CD96: variants seen among roughly 807,000 people sequenced by gnomAD.
The protein encoded by CD96 is T-cell surface protein tactile.
In CD96, 70 loss-of-function variants were observed where a neutral mutation model predicts 71.3. That is an observed-to-expected ratio of 0.98 (90% CI 0.81 to 1.20). The LOEUF (loss-of-function observed/expected upper bound fraction) is 1.20, where lower values mean the gene tolerates loss of function less well. Among genes scored for constraint, CD96 ranks in the 50% most tolerant of loss-of-function variants. The probability of loss-of-function intolerance (pLI) is 0.00; values close to 1 mark genes in which losing one functional copy is unlikely to be tolerated. For missense variants in CD96, 742 were observed against 677.5 expected (o/e 1.10, Z -1.06); for synonymous variants, 248 against 233.0 (o/e 1.06, Z -0.59).
chr3:111,609,576 A>G (rs1937800763), intron 8 of CD96, among the ~76,000 whole-genome samples: 1 of 152,238 alleles, frequency 6.6e-6, no homozygotes, highest in African/African-American at 2.4e-5. Context: ...TACAAACACA[A>G]TTCTTCTGTG....
rs771604378 is a variant in CD96 at position 111,545,323 on chromosome 3, T to G, written c.339T>G (p.Ser113Arg). Residue 113 changes from serine (S) to arginine (R), a missense_variant, in exon 2 of 14, where the codon AGT becomes AGG. Physicochemically the swap from Ser to Arg is moderately radical, Grantham distance 110. Transcript: ENST00000352690. Reference sequence around the variant, plus strand: ...TAAGGAATATGTCTTGTTCAGTCAGTGGAAGGTACGAGTGTATGCTTGTTC... The same window carrying G: ...TAAGGAATATGTCTTGTTCAGTCAGGGGAAGGTACGAGTGTATGCTTGTTC... ...LHLRNMSCSV[S>R]GRYECMLVLY... 6.2e-7 allele frequency: 1 copy of G among 1,614,076 alleles called. No homozygotes were observed. The highest frequency in any genetic ancestry group is 1.7e-5 in the Admixed American group (1 of 60,020).
At chr3:111,608,059 G>T (rs1420390899) in intron 8 of CD96, among the ~76,000 whole-genome samples, 1 of 152,180 alleles carries the variant, frequency 6.6e-6, no homozygotes, top group African/African-American at 2.4e-5. Context: ...GAGCAGCCTA[G>T]CTGGAAGGTG....
At chr3:111,596,044 C>T (rs1336842938) in intron 5 of CD96, among the ~76,000 whole-genome samples, 1 of 151,994 alleles carries the variant, frequency 6.6e-6, no homozygotes, top group Non-Finnish European at 1.5e-5. Context: ...CGCCTGTAAT[C>T]CCAGCTACTT....
At chr3:111,619,670 C>T (rs1938421130) in intron 8 of CD96, among the ~76,000 whole-genome samples, 1 of 152,208 alleles carries the variant, frequency 6.6e-6, no homozygotes, top group Non-Finnish European at 1.5e-5. Context: ...CAAGCTTTCT[C>T]ACATCTGGAA....
At chr3:111,582,015 C>T (rs1936489049) in intron 4 of CD96, among the ~76,000 whole-genome samples, 2 of 152,188 alleles carry the variant, frequency 1.3e-5, no homozygotes, top group African/African-American at 4.8e-5. Flanking sequence ...CAGCATAGAA[C>T]ACACATCAGA....
chr3:111,583,679 A>G (rs918157823), intron 4 of CD96, among the ~76,000 whole-genome samples: 3 of 152,194 alleles, frequency 2.0e-5, no homozygotes, highest in Non-Finnish European at 4.4e-5. Flanking sequence ...AGGCTTGGGG[A>G]TTCCACACTT....
In CD96 at chr3:111,651,030, G is replaced by A. The variant is rs910521474; in HGVS notation, c.*1224G>A. ...TGCACATGAGAATGCCTTGTGCAGAGTTATTTGGAGATTATGTCTTTTTCT... is the reference window on the plus strand; with the variant it reads ...TGCACATGAGAATGCCTTGTGCAGAATTATTTGGAGATTATGTCTTTTTCT... On this transcript the variant is annotated 3_prime_UTR_variant, in exon 14 of 14. Coordinates refer to ENST00000352690, the MANE Select transcript of CD96 (RefSeq NM_005816.5). 1 of 152,228 alleles carries A rather than the reference G, an allele frequency of 6.6e-6. No individual in the cohort carries two copies. The highest frequency in any genetic ancestry group is 2.4e-5 in the African/African-American group (1 of 41,460). 9.4% of individuals were successfully genotyped at this position (152,228 alleles called of 1,614,324 possible).
downstream of CD96, among the ~76,000 whole-genome samples, chr3:111,654,009 G>T (rs564479574): frequency 3.3e-5 from 5 of 152,148 alleles, no homozygotes; most frequent in African/African-American, 1.2e-4. Flanking sequence ...CAGAGATAAT[G>T]AAAAATGTCT....
chr3:111,562,193 T>C (rs1935480132), intron 2 of CD96, among the ~76,000 whole-genome samples: 2 of 152,202 alleles, frequency 1.3e-5, no homozygotes, highest in African/African-American at 2.4e-5. Flanking sequence ...TTGGGAGCTG[T>C]AGACCGGAGC....
At chr3:111,594,379 G>A (rs1937156231) in intron 5 of CD96, 2 of 675,288 alleles carry the variant, frequency 3.0e-6, no homozygotes, top group South Asian at 2.6e-5. Context: ...CTGCTTCACT[G>A]GAGAGTCAGG....
intron 14 of CD96, among the ~76,000 whole-genome samples, chr3:111,662,124 G>T (rs1310792824): frequency 2.6e-5 from 4 of 152,222 alleles, no homozygotes; most frequent in African/African-American, 9.6e-5. Context: ...GCTTGGGCTT[G>T]CACCCTCTGA....
Position 111,579,987 on chromosome 3 carries a change from T to G in CD96, c.751+753T>G, listed in dbSNP as rs567730354. On this transcript the variant is annotated intron_variant, in intron 4 of 13. Coordinates refer to ENST00000352690, the MANE Select transcript of CD96 (RefSeq NM_005816.5). ...CTCTTTAATTGTAACTGCCAAAATCTAATTGTTTAGTTGTCTAATTGTCTT... is the reference window on the plus strand; with the variant it reads ...CTCTTTAATTGTAACTGCCAAAATCGAATTGTTTAGTTGTCTAATTGTCTT... 2.0e-5 allele frequency among the ~76,000 whole-genome samples: 3 copies of G among 152,368 alleles called. No individual in the cohort carries two copies. The South Asian group carries it at 6.2e-4, about 32-fold the overall frequency.
In CD96 at chr3:111,587,658, G is replaced by A. The variant is rs77467694; in HGVS notation, c.807+2280G>A. ...AGGTGGGGTTCTCCATGAGGGCCCC[G>A]CCTGCAGCAAACTTTTGCCTGGGCA... On this transcript the variant is annotated intron_variant, in intron 5 of 13. Coordinates refer to ENST00000352690, the MANE Select transcript of CD96 (RefSeq NM_005816.5). 4.8e-3 allele frequency among the ~76,000 whole-genome samples: 727 copies of A among 152,298 alleles called. 19 individuals are homozygous for A. Among genetic ancestry groups the A allele is most frequent in the Admixed American group, 0.034 (516 of 15,292 alleles).
At chr3:111,545,472 A>G in intron 2 of CD96, 70 bp downstream of exon 2, 1 of 1,070,320 alleles carries the variant, frequency 9.3e-7, no homozygotes, top group Non-Finnish European at 1.4e-6. Context: ...ACATTTTAAG[A>G]AAAGCAAGGT....
chr3:111,601,215 CCAT>C (rs1937483952), intron 7 of CD96, among the ~76,000 whole-genome samples: 1 of 152,066 alleles, frequency 6.6e-6, no homozygotes, highest in Admixed American at 6.6e-5. Context: ...TTTTGTTAAT[CCAT>C]CACATATTGA....
chr3:111,588,223 T>C (rs1369744441), intron 5 of CD96, among the ~76,000 whole-genome samples: 2 of 152,222 alleles, frequency 1.3e-5, no homozygotes, highest in African/African-American at 2.4e-5. Flanking sequence ...AGAAATTTTT[T>C]CTGCCAGATA....
rs750194043 is a variant in CD96, at chr3:111,600,754, A to C, written c.927A>C (p.Lys309Asn). Residue 309 changes from lysine (K) to asparagine (N), a missense_variant, in exon 7 of 14, where the codon AAA becomes AAC. Transcript: ENST00000352690. Reference protein sequence around the residue: ...EGIYITNEERKGKDGFLELKS... With the variant: ...EGIYITNEERNGKDGFLELKS... Reference sequence around the variant, plus strand: ...TATATATTACTAATGAAGAGAGAAAAGGCAAAGATGGATTTTTGGAACTGA... The same window carrying C: ...TATATATTACTAATGAAGAGAGAAACGGCAAAGATGGATTTTTGGAACTGA... The C allele has an allele frequency of 1.9e-6, 3 of 1,613,344 alleles. No individual in the cohort carries two copies. The East Asian group carries it at 6.7e-5, about 36-fold the overall frequency.
intron 3 of CD96, among the ~76,000 whole-genome samples, chr3:111,567,876 G>T (rs1935795584): frequency 6.6e-6 from 1 of 152,124 alleles, no homozygotes; most frequent in Non-Finnish European, 1.5e-5. Context: ...TGCTTCTAAA[G>T]ATTGATTTTT....
At chr3:111,636,275 T>C (rs1357647081) in intron 10 of CD96, among the ~76,000 whole-genome samples, 1 of 152,192 alleles carries the variant, frequency 6.6e-6, no homozygotes, top group East Asian at 1.9e-4. Flanking sequence ...CTGCAGCTGC[T>C]GTTGACATCT....
Sources: gnomAD v4.1 joint callset for allele counts (sites outside exome capture counted in the v4.1 genomes callset) on GRCh38, gnomAD v4.1.1 for gene constraint, MANE v1.5 for transcripts, NCBI Gene and HGNC (gene_info 2026-07-23, HGNC 2026-07-21) for gene names.